SPATA9: variants seen among roughly 807,000 people sequenced by gnomAD.
SPATA9 encodes spermatogenesis-associated protein 9.
In SPATA9, 27 loss-of-function variants were observed where a neutral mutation model predicts 25.5. That is an observed-to-expected ratio of 1.06 (90% confidence interval 0.78 to 1.46). The LOEUF (loss-of-function observed/expected upper bound fraction) is 1.46, where lower values mean the gene tolerates loss of function less well. Among genes scored for constraint, SPATA9 ranks in the 40% most tolerant of loss-of-function variants. The pLI, the probability that SPATA9 is intolerant of heterozygous loss-of-function variation, is 0.00. For missense variants in SPATA9, 282 were observed against 297.5 expected (o/e 0.95, Z 0.38); for synonymous variants, 102 against 105.7 (o/e 0.97, Z 0.21).
chr5:95,719,197 G>A, the SPATA9 span, among the ~76,000 whole-genome samples: 4,409 of 152,278 alleles, frequency 0.029, 203 homozygotes, highest in African/African-American at 0.098. Context: ...ATGAGGTTAG[G>A]TGGTTGACTG....
At chr5:95,724,360 A>G in the SPATA9 span, among the ~76,000 whole-genome samples, 1 of 152,260 alleles carries the variant, frequency 6.6e-6, no homozygotes, top group Non-Finnish European at 1.5e-5. Context: ...CAGAAGTGTA[A>G]TACATTTTTA....
the SPATA9 span, chr5:95,731,821 G>T: frequency 6.2e-7 from 1 of 1,602,538 alleles, no homozygotes; most frequent in African/African-American, 1.3e-5. Context: ...CGCGCTGACC[G>T]TGCTTCCCTT....
upstream of SPATA9, among the ~76,000 whole-genome samples, chr5:95,702,077 G>A (rs937351743): frequency 1.9e-4 from 29 of 152,042 alleles, no homozygotes; most frequent in Admixed American, 3.9e-4. Flanking sequence ...TCTCTCAAGA[G>A]GAAACTTAAG....
the SPATA9 span, among the ~76,000 whole-genome samples, chr5:95,703,773 G>C: frequency 6.6e-6 from 1 of 152,092 alleles, no homozygotes. Flanking sequence ...AAACAAAATA[G>C]TAAACATGTA....
At chr5:95,730,839 G>A in the SPATA9 span, 1 of 451,860 alleles carries the variant, frequency 2.2e-6, no homozygotes, top group Non-Finnish European at 4.4e-6. Context: ...TTTCTCACAA[G>A]TATGATTTTA....
At chr5:95,667,008 C>T (rs1308635202) in intron 3 of SPATA9, among the ~76,000 whole-genome samples, 1 of 152,164 alleles carries the variant, frequency 6.6e-6, no homozygotes, top group Non-Finnish European at 1.5e-5. Context: ...AGGTTCTATT[C>T]TACTGGCTTT....
At chr5:95,677,617 C>A (rs534607670) in intron 2 of SPATA9, among the ~76,000 whole-genome samples, 5 of 152,176 alleles carry the variant, frequency 3.3e-5, no homozygotes, top group African/African-American at 1.2e-4. Flanking sequence ...TTTTTTCACA[C>A]ATTAACAATA....
chr5:95,714,471 A>G, the SPATA9 span, among the ~76,000 whole-genome samples: 2 of 152,352 alleles, frequency 1.3e-5, no homozygotes, highest in South Asian at 4.1e-4. Flanking sequence ...GGAAAAAAAG[A>G]TGGCATTTCA....
At chr5:95,670,999 A>G in intron 3 of SPATA9, 1 of 637,858 alleles carries the variant, frequency 1.6e-6, no homozygotes, top group Non-Finnish European at 2.0e-6. Flanking sequence ...TCCTAACCCC[A>G]GCCCCCAAGG....
chr5:95,711,195 C>T, the SPATA9 span, among the ~76,000 whole-genome samples: 1 of 152,128 alleles, frequency 6.6e-6, no homozygotes, highest in Admixed American at 6.6e-5. Context: ...ATTTGGGTCC[C>T]AGTTAGGCCG....
the SPATA9 span, among the ~76,000 whole-genome samples, chr5:95,709,654 A>C: frequency 1.3e-5 from 2 of 152,180 alleles, no homozygotes; most frequent in Non-Finnish European, 2.9e-5. Flanking sequence ...TAAGAACTTA[A>C]CTACCGTATT....
chr5:95,691,291 TC>T (rs1423346953), intron 1 of SPATA9, among the ~76,000 whole-genome samples: 1 of 152,230 alleles, frequency 6.6e-6, no homozygotes, highest in East Asian at 1.9e-4. Context: ...GCTGTTACTT[TC>T]ATCCATCTGA....
chr5:95,691,650 AT>A (rs1252690446), intron 1 of SPATA9, among the ~76,000 whole-genome samples: 1 of 152,082 alleles, frequency 6.6e-6, no homozygotes, highest in Non-Finnish European at 1.5e-5. Flanking sequence ...TACAAAAGAT[AT>A]TTTTATCTCT....
At chr5:95,684,861 C>T (rs144228299), upstream of SPATA9, 1,448 of 152,158 alleles carry the variant, frequency 9.5e-3, 22 homozygotes, top group African/African-American at 0.033. Context: ...ATAAAATAAA[C>T]TAGGAAACAA....
At chr5:95,674,622 CAGAA>C in intron 3 of SPATA9, 1 of 291,028 alleles carries the variant, frequency 3.4e-6, no homozygotes, top group Non-Finnish European at 6.9e-6. Flanking sequence ...GGAGTCAAGA[CAGAA>C]AGCAGAACCA....
rs958923462 is a variant in SPATA9, at chr5:95,670,855, C to T, written c.378+4557G>A. ...CTTTGACTCTCCAGGCCATTGTCCT[C>T]ATAGTCAGTTCTGTTTCTGTCCTCA... On this transcript the variant is annotated intron_variant, in intron 3 of 4. Transcript: ENST00000274432. The T allele has an allele frequency of 7.1e-6, 7 of 985,320 alleles. No individual in the cohort carries two copies. In the East Asian group the frequency reaches 4.5e-4, roughly 64 times the overall value. The allele number at this position is 985,320 out of a possible 1,614,324, so 61.0% of individuals were successfully genotyped here. A position where few individuals can be genotyped will look rare whatever the true frequency, so the allele number is the denominator to read the frequency against.
At chr5:95,695,679 T>C (rs1169574326) in intron 1 of SPATA9, among the ~76,000 whole-genome samples, 1 of 152,252 alleles carries the variant, frequency 6.6e-6, no homozygotes, top group Non-Finnish European at 1.5e-5. Flanking sequence ...ATGTGAGTTA[T>C]ATCTATTTAT....
intron 3 of SPATA9, among the ~76,000 whole-genome samples, chr5:95,665,228 C>T (rs1344091562): frequency 1.3e-5 from 2 of 152,200 alleles, no homozygotes; most frequent in Non-Finnish European, 2.9e-5. Context: ...AAGATCCTCT[C>T]TTCTAGCTAT....
intron 1 of SPATA9, among the ~76,000 whole-genome samples, chr5:95,696,818 T>C (rs1754035087): frequency 6.6e-6 from 1 of 152,180 alleles, no homozygotes. Context: ...ATTGCACCAC[T>C]GCACTCCAAG....
Sources: allele counts gnomAD v4.1 joint callset (sites outside exome capture counted in the v4.1 genomes callset), GRCh38; gene constraint gnomAD v4.1.1; transcripts MANE v1.5; gene names NCBI Gene and HGNC (gene_info 2026-07-23, HGNC 2026-07-21).